The following TBXAS1 variants were observed in gnomAD, a reference collection of about 807,000 sequenced individuals.
The protein encoded by TBXAS1 is thromboxane-A synthase.
In TBXAS1, 48 loss-of-function variants were observed where a neutral mutation model predicts 60.7. The ratio of observed to expected loss-of-function variants is 0.79; its 90% CI spans 0.63 to 1.01. The LOEUF (loss-of-function observed/expected upper bound fraction) is 1.01. Among genes scored for constraint, TBXAS1 ranks in the 50% least tolerant of loss-of-function variants. The pLI is 0.00. For missense variants in TBXAS1, 685 were observed against 686.3 expected (o/e 1.00, Z 0.02); for synonymous variants, 287 against 269.7 (o/e 1.06, Z -0.63).
At chr7:140,017,397 T>C (rs1233074535) in intron 11 of TBXAS1, among the ~76,000 whole-genome samples, 1 of 152,174 alleles carries the variant, frequency 6.6e-6, no homozygotes, top group African/African-American at 2.4e-5. Context: ...GTCTGTGGGC[T>C]TATTAGCCAC....
At chr7:139,961,397 C>T (rs1190732898) in intron 8 of TBXAS1, among the ~76,000 whole-genome samples, 1 of 152,136 alleles carries the variant, frequency 6.6e-6, no homozygotes, top group African/African-American at 2.4e-5. Context: ...TGTTGGAAAA[C>T]CAACCACCAA....
rs942183921 is a variant in TBXAS1 at position 139,896,712 on chromosome 7, C to T, written c.237-14513C>T. On this transcript the variant is annotated intron_variant, in intron 3 of 12. Coordinates refer to ENST00000448866, the MANE Select transcript of TBXAS1 (RefSeq NM_001061.7). This position sits in a 1 kb window ranked among gnomAD's most constrained non-coding sequence, Gnocchi z 4.0. Reference sequence around the variant, plus strand: ...GGGGTTCTTCTTTTGGCCTGGGGAGCGCTACGAAGACATTACTGAGTCACT... The same window carrying T: ...GGGGTTCTTCTTTTGGCCTGGGGAGTGCTACGAAGACATTACTGAGTCACT... 5.9e-5 allele frequency among the ~76,000 whole-genome samples: 9 copies of T among 152,118 alleles called. No individual in the cohort carries two copies. The highest frequency in any genetic ancestry group is 2.1e-4 in the South Asian group (1 of 4,812).
chr7:139,955,970 C>T (rs923746931), intron 7 of TBXAS1, among the ~76,000 whole-genome samples: 2 of 152,148 alleles, frequency 1.3e-5, no homozygotes, highest in Admixed American at 1.3e-4. Context: ...CTAGAAAGGC[C>T]GAGCTGAGAC....
intron 1 of TBXAS1, among the ~76,000 whole-genome samples, chr7:139,867,141 A>G (rs1464053299): frequency 2.0e-5 from 3 of 152,238 alleles, no homozygotes; most frequent in Non-Finnish European, 4.4e-5. Flanking sequence ...AATGTGCAGG[A>G]CACTGGGTTA....
chr7:139,941,696 C>T (rs1032003131), intron 5 of TBXAS1, among the ~76,000 whole-genome samples: 4 of 152,138 alleles, frequency 2.6e-5, no homozygotes, highest in Non-Finnish European at 5.9e-5. Flanking sequence ...GAAGAATTGA[C>T]GTTTTAAAAA....
chr7:139,805,728 C>CTCTCTCTCTT lies in TBXAS1; in HGVS notation c.-80+18305_-80+18306insCTCTCTTTCT, dbSNP rs1554466283. Among the ~76,000 whole-genome samples, 8 of 110,994 alleles carry CTCTCTCTCTT rather than the reference C, an allele frequency of 7.2e-5. No homozygotes were observed. In the South Asian group the frequency reaches 1.1e-3, roughly 16 times the overall value. The allele number at this position is 110,994 out of a possible 152,430, so 72.8% of individuals were successfully genotyped here. On this transcript the variant is annotated intron_variant, in intron 4 of 16. Transcript: ENST00000336425. ...TTTCTTTCTTTCTCTCTCTCTCTCT[C>CTCTCTCTCTT]TCTTTCTTTCTTTCTTTCTTTCTTT...
chr7:139,840,693 T>C (rs1585600604), intron 1 of TBXAS1, among the ~76,000 whole-genome samples: 1 of 152,094 alleles, frequency 6.6e-6, no homozygotes, highest in East Asian at 1.9e-4. Flanking sequence ...AGCTCTGAGG[T>C]TCCAGGGTTG....
At chr7:139,820,112 A>C (rs1015579886) in intron 4 of TBXAS1, among the ~76,000 whole-genome samples, 11 of 151,982 alleles carry the variant, frequency 7.2e-5, no homozygotes, top group Non-Finnish European at 1.5e-4. Flanking sequence ...CCCAGTGACT[A>C]GGAGGTGAAA....
At chr7:139,889,904 C>T (rs1467934643) in intron 3 of TBXAS1, among the ~76,000 whole-genome samples, 2 of 152,128 alleles carry the variant, frequency 1.3e-5, no homozygotes, top group African/African-American at 2.4e-5. Flanking sequence ...GCTAAGGAGA[C>T]ATTGGGTGCA....
chr7:139,928,148 T>C (rs1807036344), intron 4 of TBXAS1, among the ~76,000 whole-genome samples: 1 of 152,216 alleles, frequency 6.6e-6, no homozygotes, highest in South Asian at 2.1e-4. Flanking sequence ...CATTTTTAGG[T>C]GAAGGAAGTC....
chr7:139,920,459 C>A (rs1334003403), intron 4 of TBXAS1, among the ~76,000 whole-genome samples: 1 of 152,142 alleles, frequency 6.6e-6, no homozygotes, highest in Non-Finnish European at 1.5e-5. Context: ...GAGACATGAC[C>A]ACAAATGTCA....
chr7:140,019,116 T>C (rs1815329563), intron 12 of TBXAS1, among the ~76,000 whole-genome samples: 1 of 152,128 alleles, frequency 6.6e-6, no homozygotes, highest in Non-Finnish European at 1.5e-5. Flanking sequence ...GCAACAATTC[T>C]AGATTGAGAC....
chr7:139,867,935 C>T (rs1329663642), intron 1 of TBXAS1, among the ~76,000 whole-genome samples: 2 of 152,076 alleles, frequency 1.3e-5, no homozygotes, highest in Non-Finnish European at 2.9e-5. Context: ...TGAGAATGAT[C>T]CAGTGGCCCG....
At chr7:139,788,771 T>A (rs10233833) in intron 4 of TBXAS1, among the ~76,000 whole-genome samples, 17,502 of 152,280 alleles carry the variant, frequency 0.11, 3,281 homozygotes, top group African/African-American at 0.4. Flanking sequence ...TGCCCTAGGG[T>A]TGGCCTGCCC....
chr7:139,902,753 T>C (rs61076569), intron 3 of TBXAS1, among the ~76,000 whole-genome samples: 45,744 of 152,032 alleles, frequency 0.3, 7,466 homozygotes, highest in South Asian at 0.46. Flanking sequence ...TCCACATGTT[T>C]GCCAGCCTTT....
chr7:139,955,757 A>G (rs1584947343), intron 7 of TBXAS1, 150 bp downstream of exon 7: 10 of 1,192,738 alleles, frequency 8.4e-6, no homozygotes, highest in Non-Finnish European at 1.2e-5. Flanking sequence ...TTATGGAGCC[A>G]CCGGGTTCCT....
intron 9 of TBXAS1, among the ~76,000 whole-genome samples, chr7:139,984,747 G>A (rs1402856964): frequency 1.2e-5 from 1 of 80,554 alleles, no homozygotes; most frequent in Non-Finnish European, 2.5e-5. Context: ...AGAAGAAAAA[G>A]AAAAGAAAGA....
At chr7:139,820,475 T>C (rs1461353919) in intron 4 of TBXAS1, among the ~76,000 whole-genome samples, 4 of 152,152 alleles carry the variant, frequency 2.6e-5, no homozygotes, top group Admixed American at 2.6e-4. Context: ...TTGCTTCAAC[T>C]CCCCTGCTGT....
rs1800252236 is a variant in TBXAS1, at chr7:139,852,023, G to T, written c.90-20212G>T. 6.6e-6 allele frequency among the ~76,000 whole-genome samples: 1 copy of T among 152,202 alleles called. No individual in the cohort carries two copies. The highest frequency in any genetic ancestry group is 2.4e-5 in the African/African-American group (1 of 41,448). On this transcript the variant is annotated intron_variant, in intron 1 of 12. Transcript: ENST00000448866. The surrounding 1 kb of genome is among the most constrained non-coding windows in gnomAD (Gnocchi z 4.4). ...TTGGGGAAGTCAGCAGCCATGTTGA[G>T]CAGCCCTATAGGGAGAGGCTCATAT...
Sources: gnomAD v4.1 joint callset for allele counts (sites outside exome capture counted in the v4.1 genomes callset) on GRCh38, gnomAD v4.1.1 for gene constraint, Gnocchi (gnomAD v3.1) non-coding constraint, MANE v1.5 for transcripts, NCBI Gene and HGNC (gene_info 2026-07-23, HGNC 2026-07-21) for gene names.